Variants in XKR4 observed in about 807,000 individuals in gnomAD.
The protein encoded by XKR4 is XK related 4.
Under a neutral mutation model 53.9 loss-of-function variants are expected in XKR4, and 12 were observed. The ratio of observed to expected loss-of-function variants is 0.22; its 90% CI spans 0.14 to 0.36. The LOEUF (loss-of-function observed/expected upper bound fraction) is 0.36, where lower values mean the gene tolerates loss of function less well. XKR4 is among the 10% of genes least tolerant of loss of function. XKR4 has a pLI of 1.00. For synonymous variants in XKR4, 354 were observed against 362.4 expected (o/e 0.98, Z 0.26); for missense variants, 799 against 859.5 (o/e 0.93, Z 0.88).
intron 2 of XKR4, among the ~76,000 whole-genome samples, chr8:55,497,983 C>A (rs1192043433): frequency 6.6e-6 from 1 of 152,228 alleles, no homozygotes; most frequent in African/African-American, 2.4e-5. Context: ...CCTCTGGTCA[C>A]ACCCACTCCA....
intron 2 of XKR4, chr8:55,452,569 G>A (rs147358665): frequency 8.7e-6 from 7 of 801,782 alleles, no homozygotes; most frequent in East Asian, 2.5e-5. Context: ...ATCAGCCTCC[G>A]GTTCTCCCGC....
At chr8:55,397,113 GA>G (rs751418696) in intron 2 of XKR4, among the ~76,000 whole-genome samples, 134 of 152,190 alleles carry the variant, frequency 8.8e-4, no homozygotes, top group Non-Finnish European at 1.2e-3. Context: ...CAAAAAAGCA[GA>G]AAACAAGGCA....
intron 2 of XKR4, among the ~76,000 whole-genome samples, chr8:55,501,108 G>A (rs1806429598): frequency 6.6e-6 from 1 of 152,098 alleles, no homozygotes; most frequent in Non-Finnish European, 1.5e-5. Flanking sequence ...CAGATTGGAG[G>A]GACTAGTCAA....
intron 1 of XKR4, among the ~76,000 whole-genome samples, chr8:55,133,222 T>C (rs1271289685): frequency 6.6e-6 from 1 of 152,220 alleles, no homozygotes; most frequent in African/African-American, 2.4e-5. Flanking sequence ...ACACAAGAAA[T>C]TTTTAAGAGT....
intron 1 of XKR4, among the ~76,000 whole-genome samples, chr8:55,223,225 C>T (rs899931601): frequency 2.6e-5 from 4 of 152,316 alleles, no homozygotes; most frequent in African/African-American, 9.6e-5. Flanking sequence ...GTCTGATGTT[C>T]GCATAACTGA....
intron 2 of XKR4, among the ~76,000 whole-genome samples, chr8:55,480,658 G>A (rs866836490): frequency 7.2e-5 from 11 of 151,764 alleles, no homozygotes; most frequent in East Asian, 1.9e-4. Flanking sequence ...AAACCCCATC[G>A]TCTCAGCCCA....
chr8:55,107,062 G>A (rs1324158079), intron 1 of XKR4, among the ~76,000 whole-genome samples: 3 of 152,124 alleles, frequency 2.0e-5, no homozygotes, highest in Non-Finnish European at 4.4e-5. Context: ...AATGATGCAT[G>A]CAAAGCACTT....
intron 1 of XKR4, among the ~76,000 whole-genome samples, chr8:55,203,401 C>T (rs562398315): frequency 1.3e-4 from 20 of 152,308 alleles, no homozygotes; most frequent in Non-Finnish European, 2.6e-4. Context: ...TAGTTACTTT[C>T]AGGGGAGCCA....
intron 2 of XKR4, among the ~76,000 whole-genome samples, chr8:55,389,094 G>T (rs951580834): frequency 6.6e-6 from 1 of 152,200 alleles, no homozygotes; most frequent in African/African-American, 2.4e-5. Flanking sequence ...CAGGGAGAGA[G>T]ACACGTGAAG....
At chr8:55,247,426 C>G (rs887136641) in intron 1 of XKR4, among the ~76,000 whole-genome samples, 23 of 152,124 alleles carry the variant, frequency 1.5e-4, no homozygotes, top group African/African-American at 5.1e-4. Context: ...AACATTAGCT[C>G]TTTTGATTTT....
At chr8:55,325,529 A>G (rs1585521694) in intron 1 of XKR4, among the ~76,000 whole-genome samples, 1 of 152,356 alleles carries the variant, frequency 6.6e-6, no homozygotes, top group African/African-American at 2.4e-5. Flanking sequence ...AATGAGGAAA[A>G]CAACTCTTAA....
chr8:55,438,715 G>C (rs1263843911), intron 2 of XKR4, among the ~76,000 whole-genome samples: 1 of 151,604 alleles, frequency 6.6e-6, no homozygotes, highest in East Asian at 1.9e-4. Context: ...ATTATATAAA[G>C]AAAGAAAACC....
chr8:55,274,722 C>T (rs139997145), intron 1 of XKR4, among the ~76,000 whole-genome samples: 207 of 152,210 alleles, frequency 1.4e-3, no homozygotes, highest in African/African-American at 4.7e-3. Context: ...CATGAGCCAC[C>T]GTGCCTGGCC....
chr8:55,194,632 A>G (rs1386174696), intron 1 of XKR4, among the ~76,000 whole-genome samples: 7 of 152,142 alleles, frequency 4.6e-5, no homozygotes, highest in African/African-American at 1.7e-4. Flanking sequence ...TTCCTTATAT[A>G]TTGTGCTAAA....
chr8:55,300,049 T>C lies in XKR4; in HGVS notation c.807-57629T>C, dbSNP rs139335707. On this transcript the variant is annotated intron_variant, in intron 1 of 2. Transcript: ENST00000327381. Reference sequence around the variant, plus strand: ...TCTGGAGGTGTCAAAGCCCCCGCTGTAGGTGGAGAACCACGAATTCATGGA... The same window carrying C: ...TCTGGAGGTGTCAAAGCCCCCGCTGCAGGTGGAGAACCACGAATTCATGGA... Among the ~76,000 whole-genome samples, 369 of 152,290 alleles carry C rather than the reference T, an allele frequency of 2.4e-3. 2 individuals are homozygous for C. Among genetic ancestry groups the C allele is most frequent in the African/African-American group, 8.4e-3 (349 of 41,560 alleles).
chr8:55,258,196 T>C (rs1444843774), intron 1 of XKR4, among the ~76,000 whole-genome samples: 1 of 152,172 alleles, frequency 6.6e-6, no homozygotes. Flanking sequence ...GGGTATATCC[T>C]CCAAAGCAGT....
intron 1 of XKR4, among the ~76,000 whole-genome samples, chr8:55,179,450 T>A (rs1457133002): frequency 6.6e-6 from 1 of 152,208 alleles, no homozygotes; most frequent in African/African-American, 2.4e-5. Flanking sequence ...TCTCACATTT[T>A]CAGACTGGTA....
At chr8:55,364,501 G>A (rs1803947988) in intron 2 of XKR4, among the ~76,000 whole-genome samples, 1 of 152,196 alleles carries the variant, frequency 6.6e-6, no homozygotes, top group Admixed American at 6.5e-5. Flanking sequence ...TTAGTCCCCA[G>A]GCAGGGTTGT....
intron 1 of XKR4, among the ~76,000 whole-genome samples, chr8:55,337,721 A>T (rs1442547800): frequency 6.6e-6 from 1 of 152,220 alleles, no homozygotes; most frequent in Non-Finnish European, 1.5e-5. Flanking sequence ...TGGCTGTGAA[A>T]AAATTACATA....
Sources: gnomAD v4.1 joint callset for allele counts (sites outside exome capture counted in the v4.1 genomes callset) on GRCh38, gnomAD v4.1.1 for gene constraint, MANE v1.5 for transcripts, NCBI Gene and HGNC (gene_info 2026-07-23, HGNC 2026-07-21) for gene names.